The following NAALADL2 variants were observed in gnomAD, a reference collection of about 807,000 sequenced individuals.
NAALADL2 encodes inactive N-acetylated-alpha-linked acidic dipeptidase-like protein 2.
In NAALADL2, 76 loss-of-function variants were observed where a neutral mutation model predicts 87.2. That is an observed-to-expected ratio of 0.87 (90% CI 0.72 to 1.05). NAALADL2 has a LOEUF of 1.05. Ranked by LOEUF, NAALADL2 falls within the 50% of genes least tolerant of loss-of-function variation. NAALADL2 has a pLI of 0.00. For missense variants in NAALADL2, 1,089 were observed against 945.8 expected, an observed-to-expected ratio of 1.15 and a Z score of -1.99; for synonymous variants, 354 against 331.0, an observed-to-expected ratio of 1.07 and a Z score of -0.75.
intron 5 of NAALADL2, among the ~76,000 whole-genome samples, chr3:175,418,196 G>T (rs914878989): frequency 1.3e-5 from 2 of 152,106 alleles, no homozygotes; most frequent in African/African-American, 4.8e-5. Context: ...TTTTGGAAAG[G>T]ATTTCGTAAA....
intron 1 of NAALADL2, among the ~76,000 whole-genome samples, chr3:174,983,584 A>C (rs553292796): frequency 6.6e-6 from 1 of 152,200 alleles, no homozygotes; most frequent in African/African-American, 2.4e-5. Context: ...TGCTTCATAG[A>C]TGGGGCCCTC....
intron 2 of NAALADL2, among the ~76,000 whole-genome samples, chr3:174,663,928 C>G (rs553632900): frequency 7.0e-4 from 107 of 152,062 alleles, no homozygotes; most frequent in African/African-American, 2.3e-3. Context: ...GCTGGGATTA[C>G]AGGCATGTGC....
chr3:175,700,402 C>T (rs543824727), intron 11 of NAALADL2, among the ~76,000 whole-genome samples: 5 of 152,168 alleles, frequency 3.3e-5, no homozygotes, highest in African/African-American at 1.2e-4. Context: ...AAAAAGGCTA[C>T]TGCAGCAAAT....
intron 1 of NAALADL2, among the ~76,000 whole-genome samples, chr3:174,893,658 A>G (rs559491101): frequency 1.5e-3 from 234 of 152,324 alleles, no homozygotes; most frequent in African/African-American, 5.5e-3. Flanking sequence ...ATAATGGGTT[A>G]TAAAATAGTA....
intron 2 of NAALADL2, among the ~76,000 whole-genome samples, chr3:175,184,963 T>C (rs1737115744): frequency 1.3e-5 from 2 of 152,130 alleles, no homozygotes; most frequent in South Asian, 4.1e-4. Context: ...CGATAGGTTG[T>C]ATATTTTGGT....
At chr3:174,514,314 A>G (rs999075587) in intron 1 of NAALADL2, among the ~76,000 whole-genome samples, 2 of 152,192 alleles carry the variant, frequency 1.3e-5, no homozygotes, top group African/African-American at 2.4e-5. Context: ...TGCCTTAAAC[A>G]TAGTCTGAGG....
chr3:175,106,755 C>G (rs1443040648), intron 2 of NAALADL2, among the ~76,000 whole-genome samples: 1 of 151,954 alleles, frequency 6.6e-6, no homozygotes, highest in Non-Finnish European at 1.5e-5. Context: ...AGACGTGGTC[C>G]TTTGAAATTT....
rs570864219 is a variant in NAALADL2 at position 174,653,386 on chromosome 3, CTTCATA to C, written c.-114-84249_-114-84244del. Among the ~76,000 whole-genome samples, 230 of 152,200 alleles carry C rather than the reference CTTCATA, an allele frequency of 1.5e-3. 2 individuals carry two copies. The highest frequency in any genetic ancestry group is 5.4e-3 in the African/African-American group (225 of 41,548). The stretch of plus-strand genomic sequence containing the variant: ...TGTTCATTATCTTTGAGCTTTTGTT[CTTCATA>C]TTCATGTTTCTGTCTGGTTTTCTTT... On this transcript the variant is annotated intron_variant, in intron 2 of 3. Transcript: ENST00000434257.
intron 1 of NAALADL2, among the ~76,000 whole-genome samples, chr3:175,004,330 G>A (rs1279712355): frequency 1.6e-5 from 2 of 122,692 alleles, no homozygotes; most frequent in African/African-American, 6.1e-5. Context: ...AGTGAGCCAT[G>A]TTCACGCCTC....
In NAALADL2 at chr3:174,800,290, G is replaced by A. The variant is rs139718741; in HGVS notation, c.-9+62544G>A. Among the ~76,000 whole-genome samples the A allele has an allele frequency of 3.9e-5, 6 of 152,234 alleles. No homozygotes were observed. In the East Asian group the frequency reaches 1.2e-3, roughly 30 times the overall value. ...AAAATGGTTTCGTGGGCTGGGCCCA[G>A]AGTTTCTGTGCTGTATGCAGTCTAG... On this transcript the variant is annotated intron_variant, in intron 3 of 3. Transcript: ENST00000434257.
intron 11 of NAALADL2, among the ~76,000 whole-genome samples, chr3:175,669,859 T>G (rs922207512): frequency 1.3e-5 from 2 of 152,032 alleles, no homozygotes; most frequent in Non-Finnish European, 2.9e-5. Flanking sequence ...GAAATAGTAT[T>G]TCATAAGTGA....
chr3:174,911,005 G>A (rs533303401), intron 1 of NAALADL2, among the ~76,000 whole-genome samples: 3 of 152,162 alleles, frequency 2.0e-5, no homozygotes, highest in South Asian at 4.1e-4. Context: ...CGGTTCTCAG[G>A]GGCCACCACC....
intron 11 of NAALADL2, among the ~76,000 whole-genome samples, chr3:175,650,507 T>G (rs1730622557): frequency 6.6e-6 from 1 of 152,190 alleles, no homozygotes; most frequent in Non-Finnish European, 1.5e-5. Flanking sequence ...TATACCTCAA[T>G]AAAGCTTTAA....
At chr3:175,530,071 T>C (rs1293237694) in intron 9 of NAALADL2, among the ~76,000 whole-genome samples, 1 of 152,196 alleles carries the variant, frequency 6.6e-6, no homozygotes, top group Non-Finnish European at 1.5e-5. Flanking sequence ...TCCATGTTGC[T>C]GAGCCCATGT....
intron 5 of NAALADL2, among the ~76,000 whole-genome samples, chr3:175,368,701 C>A (rs1766021949): frequency 6.6e-6 from 1 of 151,916 alleles, no homozygotes; most frequent in African/African-American, 2.4e-5. Flanking sequence ...GTTGAGAGAA[C>A]ATCATAGAGT....
intron 9 of NAALADL2, among the ~76,000 whole-genome samples, chr3:175,518,125 C>G (rs1414595572): frequency 6.6e-6 from 1 of 152,048 alleles, no homozygotes; most frequent in African/African-American, 2.4e-5. Flanking sequence ...CTAGGTTGCT[C>G]GTCTATGTTT....
intron 12 of NAALADL2, among the ~76,000 whole-genome samples, chr3:175,746,240 GTGA>G (rs1430218683): frequency 1.3e-5 from 2 of 150,434 alleles, no homozygotes; most frequent in African/African-American, 2.4e-5. Flanking sequence ...GTATTTCAAG[GTGA>G]TGATCACACT....
chr3:175,146,086 G>C (rs563535069), intron 2 of NAALADL2, among the ~76,000 whole-genome samples: 1 of 152,148 alleles, frequency 6.6e-6, no homozygotes, highest in South Asian at 2.1e-4. Context: ...TAAGATTCGT[G>C]ATTCTTACAG....
intron 11 of NAALADL2, among the ~76,000 whole-genome samples, chr3:175,693,375 T>C (rs899448897): frequency 2.0e-5 from 3 of 152,162 alleles, no homozygotes; most frequent in African/African-American, 7.2e-5. Flanking sequence ...ATCACATTGA[T>C]ACACAAGCTG....
Sources: gnomAD v4.1 joint callset for allele counts (sites outside exome capture counted in the v4.1 genomes callset) on GRCh38, gnomAD v4.1.1 for gene constraint, MANE v1.5 for transcripts, NCBI Gene and HGNC (gene_info 2026-07-23, HGNC 2026-07-21) for gene names.